The following VTA1 variants were observed in gnomAD, a reference collection of about 807,000 sequenced individuals.
VTA1 encodes the protein vesicle trafficking 1.
Under a neutral mutation model 36.9 loss-of-function variants are expected in VTA1, and 24 were observed. The observed-to-expected ratio is 0.65, with a 90% CI of 0.47 to 0.91. The LOEUF (loss-of-function observed/expected upper bound fraction) is 0.91, where lower values mean the gene tolerates loss of function less well. Among genes scored for constraint, VTA1 ranks in the 40% least tolerant of loss-of-function variants. The pLI is 0.00. For synonymous variants in VTA1, 142 were observed against 130.2 expected, an observed-to-expected ratio of 1.09 and a Z score of -0.62; for missense variants, 393 against 377.2, an observed-to-expected ratio of 1.04 and a Z score of -0.35.
chr6:142,206,745 G>C (rs779236443), intron 7 of VTA1, among the ~76,000 whole-genome samples: 1 of 152,150 alleles, frequency 6.6e-6, no homozygotes, highest in Non-Finnish European at 1.5e-5. Context: ...CAGAAGAACA[G>C]ACAAATAGAT....
chr6:142,175,368 C>A (rs1775100150), intron 4 of VTA1, among the ~76,000 whole-genome samples: 1 of 151,898 alleles, frequency 6.6e-6, no homozygotes. Flanking sequence ...GTAGACCAGG[C>A]TGCTCACTGT....
At chr6:142,153,816 A>G (rs771224480) in intron 1 of VTA1, among the ~76,000 whole-genome samples, 7 of 152,082 alleles carry the variant, frequency 4.6e-5, no homozygotes, top group Non-Finnish European at 8.8e-5. Context: ...ATTTTCTTTT[A>G]ATTAAACTTT....
intron 1 of VTA1, among the ~76,000 whole-genome samples, chr6:142,157,744 C>G (rs1778689764): frequency 6.6e-6 from 1 of 151,990 alleles, no homozygotes; most frequent in Non-Finnish European, 1.5e-5. Context: ...ATTTCAATAA[C>G]TATGCTTGAT....
At chr6:142,182,718 G>A (rs1775265461) in intron 4 of VTA1, among the ~76,000 whole-genome samples, 1 of 152,124 alleles carries the variant, frequency 6.6e-6, no homozygotes, top group Admixed American at 6.5e-5. Flanking sequence ...GAACTTGGAG[G>A]AGCTTATCAA....
chr6:142,176,556 A>T (rs1775128956), intron 4 of VTA1, among the ~76,000 whole-genome samples: 1 of 151,850 alleles, frequency 6.6e-6, no homozygotes, highest in South Asian at 2.1e-4. Context: ...CCAGATACAT[A>T]GCCCAGGACA....
intron 7 of VTA1, among the ~76,000 whole-genome samples, chr6:142,210,794 T>G (rs1462886572): frequency 6.6e-6 from 1 of 152,172 alleles, no homozygotes; most frequent in Non-Finnish European, 1.5e-5. Flanking sequence ...ACCATATGAT[T>G]CAGCAGTTCC....
intron 6 of VTA1, among the ~76,000 whole-genome samples, chr6:142,201,470 T>C (rs1012399106): frequency 6.6e-6 from 1 of 151,992 alleles, no homozygotes; most frequent in African/African-American, 2.4e-5. Context: ...GCGAAGTGTT[T>C]GCTTCTTGTG....
chr6:142,181,742 T>G (rs1582889606), intron 4 of VTA1, among the ~76,000 whole-genome samples: 2 of 152,130 alleles, frequency 1.3e-5, no homozygotes, highest in East Asian at 3.9e-4. Context: ...GTTATGATAT[T>G]TTAAAAATAG....
chr6:142,151,613 T>C (rs35754309), intron 1 of VTA1, among the ~76,000 whole-genome samples: 2,061 of 152,368 alleles, frequency 0.014, 57 homozygotes, highest in African/African-American at 0.046. Flanking sequence ...CTTACTTGGC[T>C]GATTAGTTTG....
intron 5 of VTA1, among the ~76,000 whole-genome samples, chr6:142,193,557 A>G (rs1775493182): frequency 6.6e-6 from 1 of 152,092 alleles, no homozygotes; most frequent in Admixed American, 6.5e-5. Flanking sequence ...AAATGTATTT[A>G]TTCATTTAAT....
chr6:142,208,792 A>G (rs1340193409), intron 7 of VTA1, among the ~76,000 whole-genome samples: 1 of 152,178 alleles, frequency 6.6e-6, no homozygotes, highest in Non-Finnish European at 1.5e-5. Context: ...TCATCTAGGA[A>G]TATTGTGTCC....
chr6:142,179,539 A>C (rs975820848), intron 4 of VTA1, among the ~76,000 whole-genome samples: 9 of 152,164 alleles, frequency 5.9e-5, no homozygotes, highest in Admixed American at 4.6e-4. Context: ...GACTGCTGAT[A>C]TAACCTACAA....
chr6:142,183,012 G>T (rs1280035656), intron 4 of VTA1, among the ~76,000 whole-genome samples: 1 of 152,042 alleles, frequency 6.6e-6, no homozygotes, highest in Non-Finnish European at 1.5e-5. Context: ...GGAAAACCCG[G>T]AGGTCTTGAT....
chr6:142,157,043 A>C (rs1208893707), intron 1 of VTA1, among the ~76,000 whole-genome samples: 1 of 152,240 alleles, frequency 6.6e-6, no homozygotes, highest in African/African-American at 2.4e-5. Context: ...GTTTACCTGT[A>C]GTCCCAGCTA....
chr6:142,191,832 T>G (rs892536305), intron 5 of VTA1, among the ~76,000 whole-genome samples: 1 of 152,092 alleles, frequency 6.6e-6, no homozygotes, highest in African/African-American at 2.4e-5. Context: ...AAATCTTCTT[T>G]AAGACTTTGA....
intron 4 of VTA1, 71 bp downstream of exon 4, chr6:142,170,492 G>A: frequency 9.2e-7 from 1 of 1,081,584 alleles, no homozygotes; most frequent in Non-Finnish European, 1.3e-6. Context: ...TATTGTTATT[G>A]CATTGTTTAT....
chr6:142,192,314 T>C lies in VTA1; in HGVS notation c.520+2780T>C, dbSNP rs140026204. 3.3e-5 allele frequency among the ~76,000 whole-genome samples: 5 copies of C among 152,210 alleles called. No individual in the cohort carries two copies. In the East Asian group the frequency reaches 9.6e-4, roughly 29 times the overall value. ...ATGTAAGTGCTCTGAGCATGTTTCA[T>C]GTAGGCTAGGCTAAGCAATGATGTT... is the stretch of plus-strand genomic sequence containing the variant. On this transcript the variant is annotated intron_variant, in intron 5 of 7. Coordinates refer to ENST00000367630, the MANE Select transcript of VTA1 (RefSeq NM_016485.5).
At chr6:142,187,006 C>T (rs1198741647) in intron 4 of VTA1, among the ~76,000 whole-genome samples, 6 of 152,116 alleles carry the variant, frequency 3.9e-5, no homozygotes, top group Admixed American at 2.6e-4. Context: ...TCTATTCATT[C>T]AGCTCAGATA....
chr6:142,206,276 T>C (rs1329142170), intron 7 of VTA1, among the ~76,000 whole-genome samples: 1 of 152,138 alleles, frequency 6.6e-6, no homozygotes, highest in Admixed American at 6.5e-5. Flanking sequence ...ACAAAACAAG[T>C]GGGATTTGAA....
Sources: allele counts gnomAD v4.1 joint callset (sites outside exome capture counted in the v4.1 genomes callset), GRCh38; gene constraint gnomAD v4.1.1; transcripts MANE v1.5; gene names NCBI Gene and HGNC (gene_info 2026-07-23, HGNC 2026-07-21).